The following TAFA1 variants were observed in gnomAD, a reference collection of about 807,000 sequenced individuals.
TAFA1 encodes TAFA chemokine like family member 1, also known as chemokine-like protein TAFA-1.
Under a neutral mutation model 18.5 loss-of-function variants are expected in TAFA1, and 4 were observed. The ratio of observed to expected loss-of-function variants is 0.22; its 90% confidence interval spans 0.11 to 0.49. TAFA1 has a LOEUF of 0.49. Among genes scored for constraint, TAFA1 ranks in the 20% least tolerant of loss-of-function variants. TAFA1 has a pLI of 0.98. For synonymous variants in TAFA1, 56 were observed against 55.2 expected (o/e 1.01, Z -0.06); for missense variants, 147 against 169.0 (o/e 0.87, Z 0.72).
At chr3:68,000,823 GAATT>G (rs1704275374), upstream of TAFA1, among the ~76,000 whole-genome samples, 1 of 152,176 alleles carries the variant, frequency 6.6e-6, no homozygotes. Flanking sequence ...ACAGGAAGTA[GAATT>G]AATAGGTGGT....
intron 2 of TAFA1, among the ~76,000 whole-genome samples, chr3:68,308,112 TGGA>T (rs1363076139): frequency 6.6e-6 from 1 of 152,126 alleles, no homozygotes; most frequent in East Asian, 1.9e-4. Flanking sequence ...CTCAAAATGA[TGGA>T]GCATTCATGT....
chr3:68,050,030 A>G (rs1376551582), intron 2 of TAFA1, among the ~76,000 whole-genome samples: 1 of 152,054 alleles, frequency 6.6e-6, no homozygotes. Context: ...TAGTTTTGTG[A>G]CTTTGTGCAG....
At chr3:68,235,559 T>A (rs1042464337) in intron 2 of TAFA1, among the ~76,000 whole-genome samples, 1 of 152,218 alleles carries the variant, frequency 6.6e-6, no homozygotes, top group Non-Finnish European at 1.5e-5. Context: ...TTGTTTGTAT[T>A]GGCTCAATTT....
intron 2 of TAFA1, among the ~76,000 whole-genome samples, chr3:68,078,117 T>C (rs2064850300): frequency 6.6e-6 from 1 of 151,996 alleles, no homozygotes; most frequent in East Asian, 1.9e-4. Flanking sequence ...TGTTTGTCTG[T>C]TGTTGGTGTA....
At chr3:68,200,385 TAA>T (rs1279247482) in intron 2 of TAFA1, among the ~76,000 whole-genome samples, 2 of 151,632 alleles carry the variant, frequency 1.3e-5, no homozygotes, top group African/African-American at 4.8e-5. Flanking sequence ...TTTTGTCTTC[TAA>T]AAGAGATTGT....
intron 3 of TAFA1, among the ~76,000 whole-genome samples, chr3:68,421,259 T>A (rs2070950551): frequency 6.6e-6 from 1 of 152,186 alleles, no homozygotes; most frequent in Non-Finnish European, 1.5e-5. Flanking sequence ...AAAAGGGCTA[T>A]CCTTTCTGCA....
intron 2 of TAFA1, among the ~76,000 whole-genome samples, chr3:68,285,314 AAAGTGTTGT>A (rs1459164633): frequency 6.6e-6 from 1 of 152,176 alleles, no homozygotes; most frequent in Non-Finnish European, 1.5e-5. Flanking sequence ...TGGGAGGGTG[AAAGTGTTGT>A]AAGTGTTGTA....
intron 1 of TAFA1, among the ~76,000 whole-genome samples, chr3:68,004,929 T>TA (rs1704331723): frequency 6.6e-6 from 1 of 152,150 alleles, no homozygotes; most frequent in Admixed American, 6.5e-5. Flanking sequence ...ATTGCAAGCA[T>TA]AAAATCACAG....
At chr3:68,302,739 T>C (rs1238538028) in intron 2 of TAFA1, among the ~76,000 whole-genome samples, 1 of 152,110 alleles carries the variant, frequency 6.6e-6, no homozygotes, top group Non-Finnish European at 1.5e-5. Context: ...TGGCCAGAAG[T>C]ATGGGAGACT....
intron 2 of TAFA1, among the ~76,000 whole-genome samples, chr3:68,364,211 C>A (rs262225): frequency 0.97 from 147,599 of 152,240 alleles, 71,723 homozygotes; most frequent in East Asian, 1. Context: ...ATATAGCTCT[C>A]AGAATATCCT....
intron 3 of TAFA1, among the ~76,000 whole-genome samples, chr3:68,422,470 G>A (rs950318639): frequency 6.6e-6 from 1 of 152,050 alleles, no homozygotes. Flanking sequence ...GCCTTCCTCT[G>A]AAATTTCAGG....
rs370121877 is a variant in TAFA1 at position 68,265,816 on chromosome 3, A to G, written c.119-151464A>G. 5.3e-5 allele frequency among the ~76,000 whole-genome samples: 8 copies of G among 152,292 alleles called. No individual in the cohort carries two copies. In the South Asian group the frequency reaches 1.7e-3, roughly 32 times the overall value. ...TCTGGGCTGCAGGTGTAGCCCAGACATGGCTAATTAAAATGCCAGGCCTTA... is the reference window on the plus strand; with the variant it reads ...TCTGGGCTGCAGGTGTAGCCCAGACGTGGCTAATTAAAATGCCAGGCCTTA... On this transcript the variant is annotated intron_variant, in intron 2 of 4. Transcript: ENST00000478136.
intron 2 of TAFA1, among the ~76,000 whole-genome samples, chr3:68,224,408 A>T (rs949933265): frequency 3.3e-5 from 5 of 152,160 alleles, no homozygotes; most frequent in Non-Finnish European, 7.3e-5. Flanking sequence ...CAATTAATAA[A>T]TTTTAATTCT....
intron 2 of TAFA1, among the ~76,000 whole-genome samples, chr3:68,288,265 G>T (rs991866660): frequency 6.6e-6 from 1 of 152,156 alleles, no homozygotes; most frequent in East Asian, 1.9e-4. Flanking sequence ...GGCCCACGTG[G>T]ATCCCTGACA....
intron 3 of TAFA1, among the ~76,000 whole-genome samples, chr3:68,462,774 A>C (rs1248776483): frequency 6.6e-6 from 1 of 152,150 alleles, no homozygotes; most frequent in Non-Finnish European, 1.5e-5. Context: ...TTTGATAGTA[A>C]CCAGGCTTTT....
intron 2 of TAFA1, among the ~76,000 whole-genome samples, chr3:68,363,856 G>A (rs373481906): frequency 6.6e-6 from 1 of 152,076 alleles, no homozygotes; most frequent in Non-Finnish European, 1.5e-5. Flanking sequence ...AGCCTTGCGG[G>A]ATTTCTCAAG....
chr3:68,275,681 A>T (rs767468543), intron 2 of TAFA1, among the ~76,000 whole-genome samples: 1 of 152,104 alleles, frequency 6.6e-6, no homozygotes, highest in East Asian at 1.9e-4. Flanking sequence ...GGAGACCTGA[A>T]TGGGACAAAA....
intron 3 of TAFA1, among the ~76,000 whole-genome samples, chr3:68,522,852 G>C (rs1351109920): frequency 6.6e-6 from 1 of 151,704 alleles, no homozygotes; most frequent in Non-Finnish European, 1.5e-5. Context: ...GAGGTGGGCA[G>C]GTCACTTGAG....
intron 2 of TAFA1, among the ~76,000 whole-genome samples, chr3:68,323,270 A>C (rs1363777751): frequency 6.6e-6 from 1 of 152,194 alleles, no homozygotes; most frequent in Non-Finnish European, 1.5e-5. Flanking sequence ...AGCCACCTGT[A>C]CAATACATTA....
Sources: allele counts gnomAD v4.1 joint callset (sites outside exome capture counted in the v4.1 genomes callset), GRCh38; gene constraint gnomAD v4.1.1; transcripts MANE v1.5; gene names NCBI Gene and HGNC (gene_info 2026-07-23, HGNC 2026-07-21).